CEP128: variants seen among roughly 807,000 people sequenced by gnomAD.
CEP128 encodes the protein centrosomal protein 128kDa.
Under a neutral mutation model 156.7 loss-of-function variants are expected in CEP128, and 132 were observed. That is an observed-to-expected ratio of 0.84 (90% CI 0.73 to 0.97). The LOEUF (loss-of-function observed/expected upper bound fraction) is 0.97. CEP128 is among the 50% of genes least tolerant of loss of function. The pLI is 0.00. For missense variants in CEP128, 1,252 were observed against 1,281.9 expected (o/e 0.98, Z 0.36); for synonymous variants, 469 against 448.9 (o/e 1.04, Z -0.57).
rs577668790 is a variant in CEP128 at position 80,822,350 on chromosome 14, T to C, written c.1209+8793A>G. Among the ~76,000 whole-genome samples, 13 of 152,212 alleles carry C rather than the reference T, an allele frequency of 8.5e-5. No individual in the cohort carries two copies. In the East Asian group the frequency reaches 2.1e-3, roughly 25 times the overall value. ...TACAGCCATTCCAAATGAAAGAAAT[T>C]GGCCAAAACAAAGGGGCTACTGGCC... On this transcript the variant is annotated intron_variant, in intron 13 of 24. Transcript: ENST00000555265.
intron 21 of CEP128, among the ~76,000 whole-genome samples, chr14:80,532,615 A>G (rs149939311): frequency 7.9e-5 from 12 of 152,268 alleles, no homozygotes; most frequent in Admixed American, 4.6e-4. Context: ...CCCTCCTTCC[A>G]CAGTAACTGT....
At chr14:80,670,575 A>G (rs1895798409) in intron 19 of CEP128, among the ~76,000 whole-genome samples, 1 of 152,242 alleles carries the variant, frequency 6.6e-6, no homozygotes, top group Non-Finnish European at 1.5e-5. Context: ...TGGGAGCTAA[A>G]TAATGTGTAC....
chr14:80,658,645 T>A (rs577972412), intron 19 of CEP128, among the ~76,000 whole-genome samples: 2 of 152,320 alleles, frequency 1.3e-5, no homozygotes, highest in East Asian at 1.9e-4. Flanking sequence ...TTAGTTAACA[T>A]CTTAAAATAA....
At chr14:80,722,843 T>G (rs1378457318) in intron 19 of CEP128, among the ~76,000 whole-genome samples, 2 of 87,802 alleles carry the variant, frequency 2.3e-5, no homozygotes, top group African/African-American at 5.8e-5. Flanking sequence ...TTTTTTTTTT[T>G]GAGACGGGAG....
At chr14:80,665,650 A>G (rs1452374085) in intron 19 of CEP128, among the ~76,000 whole-genome samples, 1 of 152,194 alleles carries the variant, frequency 6.6e-6, no homozygotes, top group Non-Finnish European at 1.5e-5. Context: ...ATCACTGTCT[A>G]AACAACTGCT....
chr14:80,501,211 A>G (rs1018354345), intron 24 of CEP128, among the ~76,000 whole-genome samples: 1 of 152,190 alleles, frequency 6.6e-6, no homozygotes, highest in Non-Finnish European at 1.5e-5. Context: ...ACTGAGGCAC[A>G]TCATCACAAA....
At chr14:80,944,858 C>CAAAAAAAAAAAAAAAAAAAAAAA (rs1886298164), upstream of CEP128, among the ~76,000 whole-genome samples, 1 of 54,994 alleles carries the variant, frequency 1.8e-5, no homozygotes, top group South Asian at 7.3e-4. Flanking sequence ...AAAAAAAAAA[C>CAAAAAAAAAAAAAAAAAAAAAAA]AGAAAAAACA....
At chr14:80,877,275 A>G (rs1199539669) in intron 8 of CEP128, among the ~76,000 whole-genome samples, 1 of 152,180 alleles carries the variant, frequency 6.6e-6, no homozygotes, top group Non-Finnish European at 1.5e-5. Flanking sequence ...AGTGGGTCCA[A>G]GAGAAAGCAA....
At chr14:80,831,484 C>T (rs1885797703) in intron 12 of CEP128, among the ~76,000 whole-genome samples, 190 bp from the exon 13 acceptor site, 1 of 152,010 alleles carries the variant, frequency 6.6e-6, no homozygotes, top group Non-Finnish European at 1.5e-5. Flanking sequence ...ATTGCTATAT[C>T]ATCAAATATT....
intron 19 of CEP128, among the ~76,000 whole-genome samples, chr14:80,733,231 G>A (rs1595306731): frequency 6.6e-6 from 1 of 152,130 alleles, no homozygotes; most frequent in Non-Finnish European, 1.5e-5. Context: ...ACCTGTCTTG[G>A]TTCTTATAGC....
chr14:80,566,185 T>C (rs546517586), intron 20 of CEP128, among the ~76,000 whole-genome samples: 180 of 152,300 alleles, frequency 1.2e-3, no homozygotes, highest in African/African-American at 4.3e-3. Flanking sequence ...AAGAGACCAC[T>C]GCATGGCGTT....
intron 13 of CEP128, among the ~76,000 whole-genome samples, chr14:80,821,313 T>C (rs1885155855): frequency 6.6e-6 from 1 of 152,216 alleles, no homozygotes; most frequent in East Asian, 1.9e-4. Context: ...ACAGGAATAA[T>C]GTATGAACAG....
chr14:80,530,819 T>C lies in CEP128; in HGVS notation c.2948A>G (p.Lys983Arg). The C allele has an allele frequency of 6.2e-7, 1 of 1,603,690 alleles. No individual in the cohort carries two copies. Among genetic ancestry groups the C allele is most frequent in the African/African-American group, 1.3e-5 (1 of 74,756 alleles). The change falls in exon 22 of 25, where the codon AAA becomes AGA. Residue 983 changes from lysine (K) to arginine (R), a missense_variant. Transcript: ENST00000555265. ...PEKLSLLEDFKDFRDSCSSSE... is the reference protein window; with the variant it reads ...PEKLSLLEDFRDFRDSCSSSE... ...CCAACTCTTTCTCACTCTGAAGTCT[T>C]TGAAATCTTCTAGTAGGCTCAGTTT... is the stretch of plus-strand genomic sequence containing the variant.
At chr14:80,789,449 A>G (rs1262687682) in intron 14 of CEP128, among the ~76,000 whole-genome samples, 2 of 152,184 alleles carry the variant, frequency 1.3e-5, no homozygotes, top group African/African-American at 4.8e-5. Flanking sequence ...ATAAAATAAG[A>G]CATTAGTGAA....
rs934349405 is a variant in CEP128 at position 80,520,562 on chromosome 14, T to C, written c.3072+6307A>G. ...CTAATAGCTAATTGATATTTTATTG[T>C]ATAAAATTATATATTCCTAGTGTGT... On this transcript the variant is annotated intron_variant, in intron 23 of 24. Coordinates refer to ENST00000555265, the MANE Select transcript of CEP128 (RefSeq NM_152446.5). 2.0e-5 allele frequency among the ~76,000 whole-genome samples: 3 copies of C among 152,354 alleles called. No individual in the cohort carries two copies. The East Asian group carries it at 5.8e-4, about 29-fold the overall frequency.
intron 19 of CEP128, among the ~76,000 whole-genome samples, chr14:80,680,476 T>C (rs1053350331): frequency 6.6e-6 from 1 of 152,104 alleles, no homozygotes; most frequent in Non-Finnish European, 1.5e-5. Context: ...CAGCAGCCAG[T>C]GCAGCCCCAT....
chr14:80,873,927 T>C (rs922117405), intron 8 of CEP128, among the ~76,000 whole-genome samples: 3 of 152,176 alleles, frequency 2.0e-5, no homozygotes, highest in African/African-American at 7.2e-5. Flanking sequence ...CCTGCTGTCA[T>C]CCATGTAAGA....
At chr14:80,819,440 G>A (rs1453247462) in intron 13 of CEP128, among the ~76,000 whole-genome samples, 1 of 151,840 alleles carries the variant, frequency 6.6e-6, no homozygotes, top group Admixed American at 6.6e-5. Flanking sequence ...TAGAGACGGG[G>A]TTTCACTGTG....
chr14:80,694,691 T>C lies in CEP128; in HGVS notation c.2806+48384A>G, dbSNP rs1229173335. ...GCATGTTCTCACTCATAAGTGGGAGTTGAACAATGAGAACACATGGACTCA... is the reference window on the plus strand; with the variant it reads ...GCATGTTCTCACTCATAAGTGGGAGCTGAACAATGAGAACACATGGACTCA... On this transcript the variant is annotated intron_variant, in intron 19 of 24. Transcript: ENST00000555265. 2.7e-5 allele frequency among the ~76,000 whole-genome samples: 4 copies of C among 150,856 alleles called. No individual in the cohort carries two copies. In the South Asian group the frequency reaches 8.5e-4, roughly 32 times the overall value.
Sources: allele counts gnomAD v4.1 joint callset (sites outside exome capture counted in the v4.1 genomes callset), GRCh38; gene constraint gnomAD v4.1.1; transcripts MANE v1.5; gene names NCBI Gene and HGNC (gene_info 2026-07-23, HGNC 2026-07-21).